Variants in ANO7 observed in about 807,000 individuals in gnomAD.
ANO7 encodes anoctamin-7.
In ANO7, 114 loss-of-function variants were observed where a neutral mutation model predicts 115.8. The observed-to-expected ratio is 0.98, with a 90% CI of 0.85 to 1.15. The LOEUF is 1.15. ANO7 is among the 50% of genes most tolerant of loss of function. The pLI, the probability that ANO7 is intolerant of heterozygous loss-of-function variation, is 0.00. For missense variants in ANO7, 1,302 were observed against 1,201.2 expected (o/e 1.08, Z -1.24); for synonymous variants, 550 against 498.2 (o/e 1.10, Z -1.38).
chr2:241,224,601 G>A lies in ANO7; in HGVS notation c.*448G>A, dbSNP rs950170646. On this transcript the variant is annotated 3_prime_UTR_variant, in exon 25 of 25. Coordinates refer to ENST00000674324, the MANE Select transcript of ANO7 (RefSeq NM_001370694.2). ...TCCCTCGTGTCCTCTGGACCCACCC[G>A]CCCCTTCCTGCCCTGTTTGCGCAGG... 8.3e-5 allele frequency: 14 copies of A among 169,234 alleles called. No individual in the cohort carries two copies. Among genetic ancestry groups the A allele is most frequent in the Non-Finnish European group, 1.7e-4 (13 of 78,434 alleles). 10.5% of individuals were successfully genotyped at this position (169,234 alleles called of 1,614,324 possible).
chr2:241,223,847 C>T (rs1219446466), intron 23 of ANO7, 58 bp from the exon 24 acceptor site: 1 of 1,613,884 alleles, frequency 6.2e-7, no homozygotes, highest in Non-Finnish European at 8.5e-7. Context: ...AGTGGCTGCT[C>T]TACCTCCGGA....
intron 3 of ANO7, among the ~76,000 whole-genome samples, chr2:241,192,413 G>A (rs1215444040): frequency 1.3e-5 from 2 of 152,182 alleles, no homozygotes; most frequent in African/African-American, 4.8e-5. Context: ...CCGAGGTGAG[G>A]GTGAGGCAGG....
chr2:241,218,381 G>T lies in ANO7; in HGVS notation c.2321G>T (p.Arg774Met). 1 of 1,413,404 alleles carries T rather than the reference G, an allele frequency of 7.1e-7. No individual in the cohort carries two copies. The highest frequency in any genetic ancestry group is 1.4e-5 in the South Asian group (1 of 70,066). 87.6% of individuals were successfully genotyped at this position (1,413,404 alleles called of 1,614,324 possible). ...GCCGCCGCGCACAACCGCACGTGCA[G>T]GTGAGCCCCGCGCCAGGTGGAGGGG... The part of the protein sequence containing the change: ...SFAAAHNRTC[R>M]YRAFRDDDGH... The change falls in exon 21 of 25, where the codon AGG (arginine) becomes ATG (methionine). Residue 774 changes from arginine to methionine, a missense_variant and splice_region_variant. Arg to Met is a moderately conservative substitution (Grantham distance 91). Transcript: ENST00000674324.
In ANO7 at chr2:241,204,973, G is replaced by A. The variant is rs372280873; in HGVS notation, c.980+18G>A. 7.0e-4 allele frequency: 1,130 copies of A among 1,610,568 alleles called. 13 individuals are homozygous for A. The South Asian group carries it at 0.011, about 15-fold the overall frequency. ...ATACCCACGTGAGTGTTCCCTCTCC[G>A]CAGCTCTGGGGCCTGGTGCTGGGCC... is the stretch of plus-strand genomic sequence containing the variant. On this transcript the variant is annotated intron_variant, in intron 10 of 24. Coordinates refer to ENST00000674324, the MANE Select transcript of ANO7 (RefSeq NM_001370694.2).
chr2:241,235,810 TC>T, the ANO7 span, among the ~76,000 whole-genome samples: 3 of 152,176 alleles, frequency 2.0e-5, no homozygotes, highest in Non-Finnish European at 4.4e-5. Context: ...TCCAGACCCT[TC>T]ATCCCAAGCC....
chr2:241,199,721 A>T (rs906502980), intron 5 of ANO7, among the ~76,000 whole-genome samples: 1 of 152,152 alleles, frequency 6.6e-6, no homozygotes, highest in African/African-American at 2.4e-5. Context: ...GCCTATGAAC[A>T]TGGGGTGGAG....
chr2:241,207,473 A>G (rs1574777875), intron 10 of ANO7, 101 bp from the exon 11 acceptor site: 1 of 859,896 alleles, frequency 1.2e-6, no homozygotes, highest in Non-Finnish European at 1.9e-6. Context: ...TGGTGGACAG[A>G]GAGGACAAGG....
chr2:241,209,588 A>G lies in ANO7; in HGVS notation c.1312A>G (p.Ser438Gly). ...GEDEPYFPER[S>G]RARRMLAGSV... Reference sequence around the variant, plus strand: ...GGACGAGCCCTACTTCCCTGAGAGGAGCCGCGCGCGCCGCATGCTGGCCGG... The same window carrying G: ...GGACGAGCCCTACTTCCCTGAGAGGGGCCGCGCGCGCCGCATGCTGGCCGG... The change falls in exon 13 of 25, where the codon AGC (serine) becomes GGC (glycine). Residue 438 changes from serine (S) to glycine (G), a missense_variant. By Grantham distance (56) the Ser-to-Gly change is moderately conservative. Coordinates refer to ENST00000674324, the MANE Select transcript of ANO7 (RefSeq NM_001370694.2). 6.2e-7 allele frequency: 1 copy of G among 1,601,854 alleles called. No individual in the cohort carries two copies. Among genetic ancestry groups the G allele is most frequent in the South Asian group, 1.1e-5 (1 of 89,838 alleles).
rs944837494 is a variant in ANO7, at chr2:241,200,181, C to G, written c.510C>G (p.Pro170=). The G allele has an allele frequency of 3.1e-6, 5 of 1,613,108 alleles. No individual in the cohort carries two copies. In the East Asian group the frequency reaches 8.9e-5, roughly 29 times the overall value. ...TGCTGGAGGTTGTGCCAGACGTACCCCCCGAGTACTACTCCTGCCGGTTCA... is the reference window on the plus strand; with the variant it reads ...TGCTGGAGGTTGTGCCAGACGTACCGCCCGAGTACTACTCCTGCCGGTTCA... The part of the protein sequence containing the change: ...NVLLEVVPDV[P]PEYYSCRFRV... Residue 170 remains proline (P), a synonymous_variant, in exon 6 of 25, where the codon CCC becomes CCG. Coordinates refer to ENST00000674324, the MANE Select transcript of ANO7 (RefSeq NM_001370694.2).
the ANO7 span, chr2:241,235,353 C>G: frequency 6.4e-7 from 1 of 1,562,276 alleles, no homozygotes; most frequent in Admixed American, 1.7e-5. Flanking sequence ...GGAAGGCCAC[C>G]CGCCGTGAAG....
chr2:241,196,289 G>T, intron 4 of ANO7: 1 of 549,936 alleles, frequency 1.8e-6, no homozygotes, highest in Non-Finnish European at 2.4e-6. Flanking sequence ...ACAGGTCCGG[G>T]GAGCGTGAGA....
At chr2:241,239,585 A>G in the ANO7 span, 1 of 1,609,864 alleles carries the variant, frequency 6.2e-7, no homozygotes, top group Non-Finnish European at 8.5e-7. This position sits in a 1 kb window ranked among gnomAD's most constrained non-coding sequence, Gnocchi z 4.6. Context: ...CCCCTCCCCG[A>G]GCACCCAAGT....
At chr2:241,238,546 C>T in the ANO7 span, 4 of 956,136 alleles carry the variant, frequency 4.2e-6, no homozygotes, top group Non-Finnish European at 5.9e-6. The surrounding 1 kb of genome is among the most constrained non-coding windows in gnomAD (Gnocchi z 4.9). Context: ...GATGGTTTTC[C>T]AGCAGAGACA....
chr2:241,235,152 A>G, the ANO7 span: 6 of 1,613,846 alleles, frequency 3.7e-6, no homozygotes, highest in Non-Finnish European at 5.1e-6. Flanking sequence ...TAGCTCCTTC[A>G]CACGCTCCAG....
In ANO7 at chr2:241,216,251, TAGC is replaced by T. The variant is rs1559454227; in HGVS notation, c.1972+17_1972+19del. ...TACCTGGAAATGGGTAGGAGCCCGT[TAGC>T]AGCTGCGGCAATGGCTGGCGCCGTG... On this transcript the variant is annotated intron_variant, in intron 19 of 24. Transcript: ENST00000674324. The T allele has an allele frequency of 6.3e-7, 1 of 1,575,474 alleles. No homozygotes were observed. Among genetic ancestry groups the T allele is most frequent in the Non-Finnish European group, 8.6e-7 (1 of 1,162,850 alleles).
Position 241,210,350 on chromosome 2 carries a change from C to T in ANO7, c.1415C>T (p.Ala472Val), listed in dbSNP as rs781293078. The change falls in exon 14 of 25, where the codon GCC becomes GTC. Residue 472 changes from alanine (A) to valine (V), a missense_variant. By Grantham distance (64) the Ala-to-Val change is moderately conservative. Coordinates refer to ENST00000674324, the MANE Select transcript of ANO7 (RefSeq NM_001370694.2). ...VSIILYRAIM[A>V]IVVSRSGNTL... ...ATCATCCTGTACCGTGCCATCATGG[C>T]CATCGTGGTGTCCAGGTCGGGCAAC... is the stretch of plus-strand genomic sequence containing the variant. 25 of 1,613,952 alleles carry T rather than the reference C, an allele frequency of 1.5e-5. No individual in the cohort carries two copies. The highest frequency in any genetic ancestry group is 1.6e-4 in the Middle Eastern group (1 of 6,084).
chr2:241,240,151 C>G, the ANO7 span: 1 of 1,606,770 alleles, frequency 6.2e-7, no homozygotes, highest in Non-Finnish European at 8.5e-7. This position sits in a 1 kb window ranked among gnomAD's most constrained non-coding sequence, Gnocchi z 5.5. Flanking sequence ...CTGTGTTAGC[C>G]TGACACCACG....
intron 15 of ANO7, among the ~76,000 whole-genome samples, chr2:241,211,564 G>A (rs1365004466): frequency 6.6e-6 from 1 of 152,174 alleles, no homozygotes; most frequent in Non-Finnish European, 1.5e-5. Flanking sequence ...CCTCCTGGTG[G>A]GTGGCCAGGG....
At chr2:241,229,417 C>A (rs1289679155), downstream of ANO7, 2 of 555,606 alleles carry the variant, frequency 3.6e-6, no homozygotes, top group Admixed American at 6.2e-5. Context: ...CCTGAGCGGG[C>A]ACGGCCAGGC....
Sources: allele counts gnomAD v4.1 joint callset (sites outside exome capture counted in the v4.1 genomes callset), GRCh38; gene constraint gnomAD v4.1.1; non-coding constraint Gnocchi (gnomAD v3.1); transcripts MANE v1.5; gene names NCBI Gene and HGNC (gene_info 2026-07-23, HGNC 2026-07-21).